The following CCDC175 variants were observed in gnomAD, a reference collection of about 807,000 sequenced individuals.
CCDC175 encodes coiled-coil domain containing 175.
In CCDC175, 100 loss-of-function variants were observed where a neutral mutation model predicts 114.6. That is an observed-to-expected ratio of 0.87 (90% CI 0.74 to 1.03). The LOEUF (loss-of-function observed/expected upper bound fraction) is 1.03. Ranked by LOEUF, CCDC175 falls within the 50% of genes least tolerant of loss-of-function variation. The pLI is 0.00. For synonymous variants in CCDC175, 306 were observed against 308.7 expected, an observed-to-expected ratio of 0.99 and a Z score of 0.09; for missense variants, 880 against 917.8, an observed-to-expected ratio of 0.96 and a Z score of 0.53.
intron 2 of CCDC175, among the ~76,000 whole-genome samples, chr14:59,573,438 G>A (rs1304462434): frequency 6.6e-6 from 1 of 151,640 alleles, no homozygotes; most frequent in African/African-American, 2.4e-5. Context: ...TCACTTTTCT[G>A]TAAAAAATGA....
At chr14:59,556,980 G>A (rs1895937748) in intron 7 of CCDC175, among the ~76,000 whole-genome samples, 3 of 152,294 alleles carry the variant, frequency 2.0e-5, no homozygotes, top group Admixed American at 1.3e-4. Flanking sequence ...GTGCTGGAGA[G>A]GATGTGGAGA....
rs187516630 is a variant in CCDC175 at position 59,557,726 on chromosome 14, T to C, written c.953+3393A>G. ...TCTCCCCATATAACATATTTATGTA[T>C]ATATTTATCAAAATAAACAAAAATG... On this transcript the variant is annotated intron_variant, in intron 7 of 19. Transcript: ENST00000537690. 1.6e-4 allele frequency among the ~76,000 whole-genome samples: 25 copies of C among 152,076 alleles called. No homozygotes were observed. The East Asian group carries it at 4.6e-3, about 28-fold the overall frequency.
At chr14:59,510,533 T>C (rs191768095) in intron 19 of CCDC175, 113 bp downstream of exon 19, 12 of 998,132 alleles carry the variant, frequency 1.2e-5, no homozygotes, top group South Asian at 9.7e-5. Flanking sequence ...TGTGGCATAA[T>C]TGGGGATAAC....
chr14:59,538,192 T>C lies in CCDC175; in HGVS notation c.1492-38A>G, dbSNP rs1214260868. ...AAATAAGAATTTGTCATTTCTCTTG[T>C]AGTGATCAGCCTTACATTTTCGAAT... On this transcript the variant is annotated intron_variant, in intron 12 of 19. Coordinates refer to ENST00000537690, the MANE Select transcript of CCDC175 (RefSeq NM_001164399.2). 6 of 1,508,310 alleles carry C rather than the reference T, an allele frequency of 4.0e-6. No individual in the cohort carries two copies. The Admixed American group carries it at 8.5e-5, about 21-fold the overall frequency. The allele number at this position is 1,508,310 out of a possible 1,614,324, so 93.4% of individuals were successfully genotyped here. A position where few individuals can be genotyped will look rare whatever the true frequency, so the allele number is the denominator to read the frequency against.
rs1893433705 is a variant in CCDC175 at position 59,521,620 on chromosome 14, G to T, written c.2052C>A (p.Leu684=). The change falls in exon 17 of 20, where the codon CTC becomes CTA. Residue 684 remains leucine (L), a synonymous_variant. Coordinates refer to ENST00000537690, the MANE Select transcript of CCDC175 (RefSeq NM_001164399.2). ...IEKYREGQEA[L]MHTSSDLSRQ... ...GAGACAAGTCGCTTGAGGTGTGCAT[G>T]AGGGCTTCTTGTCCTTCTCTGTATT... 6.5e-7 allele frequency: 1 copy of T among 1,535,544 alleles called. No homozygotes were observed. The highest frequency in any genetic ancestry group is 8.7e-7 in the Non-Finnish European group (1 of 1,145,352).
At chr14:59,576,337 T>C (rs1595092625) in intron 1 of CCDC175, among the ~76,000 whole-genome samples, 1 of 152,182 alleles carries the variant, frequency 6.6e-6, no homozygotes, top group Non-Finnish European at 1.5e-5. Context: ...GTCGCAGGCA[T>C]AGGGCAGTGG....
Position 59,543,400 on chromosome 14 carries a change from C to G in CCDC175, c.1227G>C (p.Lys409Asn). 2 of 1,479,646 alleles carry G rather than the reference C, an allele frequency of 1.4e-6. No homozygotes were observed. The highest frequency in any genetic ancestry group is 2.6e-5 in the South Asian group (2 of 75,736). The allele number at this position is 1,479,646 out of a possible 1,614,324, so 91.7% of individuals were successfully genotyped here. ...ISQKEYFLSQ[K>N]RVDIKNMEEG... The stretch of plus-strand genomic sequence containing the variant: ...CTTCCATATTTTTGATGTCTACTCT[C>G]TTTTGTGACAGAAAGTATTCTTTCT... The change falls in exon 10 of 20, where the codon AAG (lysine) becomes AAC (asparagine). Residue 409 changes from lysine to asparagine, a missense_variant. By Grantham distance (94) the Lys-to-Asn change is moderately conservative. Coordinates refer to ENST00000537690, the MANE Select transcript of CCDC175 (RefSeq NM_001164399.2).
chr14:59,560,681 C>T (rs916065216), intron 7 of CCDC175, among the ~76,000 whole-genome samples: 2 of 152,132 alleles, frequency 1.3e-5, no homozygotes, highest in Non-Finnish European at 2.9e-5. Flanking sequence ...TCCAGTCCCA[C>T]GTGTAGCAGT....
chr14:59,564,542 T>G (rs1896410527), intron 5 of CCDC175: 1 of 156,726 alleles, frequency 6.4e-6, no homozygotes, highest in African/African-American at 2.4e-5. Context: ...AAAGATGCAG[T>G]AGTTATCCCT....
At chr14:59,573,637 T>A in intron 2 of CCDC175, among the ~76,000 whole-genome samples, 1 of 147,454 alleles carries the variant, frequency 6.8e-6, no homozygotes, top group Admixed American at 6.9e-5. Context: ...TTTTTTGAGA[T>A]GGAATCTCAC....
At chr14:59,553,917 A>G (rs1325149124) in intron 7 of CCDC175, among the ~76,000 whole-genome samples, 1 of 152,248 alleles carries the variant, frequency 6.6e-6, no homozygotes, top group Non-Finnish European at 1.5e-5. Context: ...AGAGCTAACT[A>G]TCCTAAATAT....
intron 15 of CCDC175, 90 bp downstream of exon 15, chr14:59,527,005 G>T: frequency 1.5e-6 from 1 of 674,512 alleles, no homozygotes; most frequent in East Asian, 3.1e-5. Flanking sequence ...TGGATTTCAT[G>T]AAAACTTCAA....
Position 59,533,987 on chromosome 14 carries a change from T to TAAAAAAAAAAAA in CCDC175, c.1624-2089_1624-2078dup, listed in dbSNP as rs3084296. ...CTGGGCAACAGGGTGAGACCCCTTT[T>TAAAAAAAAAAAA]AAAAAAAAAAAAAAAAAAAGAAACG... is the stretch of plus-strand genomic sequence containing the variant. On this transcript the variant is annotated intron_variant, in intron 13 of 19. Coordinates refer to ENST00000537690, the MANE Select transcript of CCDC175 (RefSeq NM_001164399.2). Among the ~76,000 whole-genome samples, 50 of 133,592 alleles carry TAAAAAAAAAAAA rather than the reference T, an allele frequency of 3.7e-4. 2 individuals carry two copies. The highest frequency in any genetic ancestry group is 1.4e-3 in the African/African-American group (49 of 35,854). 87.6% of individuals were successfully genotyped at this position (133,592 alleles called of 152,430 possible). A position where few individuals can be genotyped will look rare whatever the true frequency, so the allele number is the denominator to read the frequency against.
At chr14:59,543,022 A>T (rs1351503119) in intron 10 of CCDC175, among the ~76,000 whole-genome samples, 1 of 152,182 alleles carries the variant, frequency 6.6e-6, no homozygotes, top group Non-Finnish European at 1.5e-5. Flanking sequence ...ATCAGAAAAA[A>T]ATTAAAATTA....
In CCDC175 at chr14:59,540,722, T is replaced by C; in HGVS notation, c.1308A>G (p.Gln436=). The part of the protein sequence containing the change: ...LQQATKTVYQ[Q]QIKILSANLE... ...GGTTAGCACTCAGGATTTTGATTTG[T>C]TGCTGATACACTGTTTTTGTTGCTC... Residue 436 remains glutamine, a synonymous_variant, in exon 11 of 20, where the codon CAA becomes CAG. Transcript: ENST00000537690. The C allele has an allele frequency of 6.5e-7, 1 of 1,534,808 alleles. No individual in the cohort carries two copies. The highest frequency in any genetic ancestry group is 8.7e-7 in the Non-Finnish European group (1 of 1,146,278).
chr14:59,574,378 C>T (rs1051653811), intron 2 of CCDC175, among the ~76,000 whole-genome samples: 4 of 152,166 alleles, frequency 2.6e-5, no homozygotes, highest in African/African-American at 9.7e-5. Context: ...GTCTGTGACA[C>T]CTCAGAAGGA....
At chr14:59,511,703 A>T in intron 18 of CCDC175, 57 bp downstream of exon 18, 1 of 1,401,228 alleles carries the variant, frequency 7.1e-7, no homozygotes, top group Non-Finnish European at 9.8e-7. Context: ...TTAGGTAGGT[A>T]AACATTTTTG....
At chr14:59,550,681 G>A (rs2140069135) in intron 8 of CCDC175, among the ~76,000 whole-genome samples, 1 of 152,236 alleles carries the variant, frequency 6.6e-6, no homozygotes, top group East Asian at 1.9e-4. Context: ...TGAAGAACCT[G>A]GAATCTGGTG....
intron 7 of CCDC175, among the ~76,000 whole-genome samples, 156 bp downstream of exon 7, chr14:59,560,963 T>C (rs1182309817): frequency 1.3e-5 from 2 of 152,218 alleles, no homozygotes; most frequent in Non-Finnish European, 2.9e-5. Context: ...GGTGACTCTA[T>C]AAAGCTTTCA....
Sources: gnomAD v4.1 joint callset for allele counts (sites outside exome capture counted in the v4.1 genomes callset) on GRCh38, gnomAD v4.1.1 for gene constraint, MANE v1.5 for transcripts, NCBI Gene and HGNC (gene_info 2026-07-23, HGNC 2026-07-21) for gene names.